PDXDC1: variants seen among roughly 807,000 people sequenced by gnomAD.
PDXDC1 encodes the protein pyridoxal dependent decarboxylase domain containing 1, also known as pyridoxal-dependent decarboxylase domain-containing protein 1.
A neutral mutation model predicts 100.1 loss-of-function variants in PDXDC1; 42 were observed. The observed-to-expected ratio is 0.42, with a 90% CI of 0.33 to 0.54. The LOEUF (loss-of-function observed/expected upper bound fraction) is 0.54. PDXDC1 is among the 20% of genes least tolerant of loss of function. The pLI is 0.10. For synonymous variants in PDXDC1, 260 were observed against 371.7 expected (o/e 0.70, Z 3.46); for missense variants, 636 against 979.2 (o/e 0.65, Z 4.68).
At chr16:14,992,717 AG>A (rs1397346784) in intron 1 of PDXDC1, among the ~76,000 whole-genome samples, 1 of 152,288 alleles carries the variant, frequency 6.6e-6, no homozygotes, top group African/African-American at 2.4e-5. Context: ...AACAGGAGTC[AG>A]GGACCCTAGG....
At chr16:15,071,546 T>C (rs1354485929) in intron 16 of PDXDC1, among the ~76,000 whole-genome samples, 1 of 152,116 alleles carries the variant, frequency 6.6e-6, no homozygotes, top group Non-Finnish European at 1.5e-5. Context: ...GGCGGGTGGA[T>C]CACCCAAGGT....
At chr16:15,133,386 C>T (rs1288752624) in intron 16 of PDXDC1, 6 of 1,056,470 alleles carry the variant, frequency 5.7e-6, no homozygotes, top group East Asian at 2.5e-5. Flanking sequence ...AGCCCCATTG[C>T]GCTGCCGTTG....
downstream of PDXDC1, chr16:15,038,396 T>G (rs532258601): frequency 1.6e-6 from 1 of 625,924 alleles, no homozygotes; most frequent in East Asian, 2.8e-5. Context: ...CATTTCCATC[T>G]AGGACTTGAC....
chr16:15,147,160 G>A, the PDXDC1 span, among the ~76,000 whole-genome samples: 1 of 142,332 alleles, frequency 7.0e-6, no homozygotes, highest in Non-Finnish European at 1.5e-5. Context: ...GGGCTGGCAG[G>A]GAGGGAGAGG....
intron 16 of PDXDC1, chr16:15,132,762 C>T: frequency 2.6e-6 from 3 of 1,167,682 alleles, no homozygotes; most frequent in Non-Finnish European, 2.5e-6. Flanking sequence ...TGGATGTCAT[C>T]CACAGTGTGG....
chr16:15,011,623 ATTTTTTTCT>A (rs2041270460), intron 8 of PDXDC1, among the ~76,000 whole-genome samples: 1 of 97,994 alleles, frequency 1.0e-5, no homozygotes, highest in African/African-American at 3.6e-5. Context: ...TTTGCAAAAC[ATTTTTTTCT>A]TTTTTTTTTT....
chr16:15,144,246 T>C (rs1487911322), downstream of PDXDC1, among the ~76,000 whole-genome samples: 1 of 152,178 alleles, frequency 6.6e-6, no homozygotes, highest in African/African-American at 2.4e-5. Flanking sequence ...GGCCCCTTCC[T>C]CGCTGGGCCA....
At chr16:15,129,397 C>G (rs1344397504) in intron 16 of PDXDC1, among the ~76,000 whole-genome samples, 3 of 152,056 alleles carry the variant, frequency 2.0e-5, no homozygotes, top group Non-Finnish European at 4.4e-5. Flanking sequence ...CAAGATCACG[C>G]CACTGCACTC....
chr16:15,100,228 C>A (rs1401260377), intron 16 of PDXDC1, among the ~76,000 whole-genome samples: 2 of 152,138 alleles, frequency 1.3e-5, no homozygotes, highest in Admixed American at 6.5e-5. Context: ...AATAACAAAA[C>A]CAATAGCATG....
intron 16 of PDXDC1, among the ~76,000 whole-genome samples, chr16:15,054,397 C>A (rs1044545501): frequency 6.6e-6 from 1 of 152,172 alleles, no homozygotes; most frequent in Non-Finnish European, 1.5e-5. Flanking sequence ...GCCCGGGACA[C>A]CCATCTAACT....
downstream of PDXDC1, among the ~76,000 whole-genome samples, chr16:15,038,868 A>G (rs546968128): frequency 2.4e-3 from 367 of 152,352 alleles, 1 homozygote; most frequent in Non-Finnish European, 4.2e-3. Context: ...GCTTCTGCAC[A>G]CTGTGGGGCA....
intron 16 of PDXDC1, among the ~76,000 whole-genome samples, chr16:15,073,279 G>A (rs1473217521): frequency 2.0e-5 from 3 of 152,052 alleles, no homozygotes; most frequent in Non-Finnish European, 1.5e-5. Context: ...GGGAACACAG[G>A]GAAGCTCTGT....
intron 16 of PDXDC1, chr16:15,094,373 G>A (rs962041736): frequency 1.3e-6 from 1 of 774,562 alleles, no homozygotes; most frequent in Non-Finnish European, 2.1e-6. Context: ...GTATGCTCTC[G>A]GCGGGCTAGA....
chr16:15,098,736 G>C (rs1322223323), intron 16 of PDXDC1, among the ~76,000 whole-genome samples: 1 of 152,050 alleles, frequency 6.6e-6, no homozygotes, highest in Non-Finnish European at 1.5e-5. Context: ...AAATTAGCCT[G>C]GCATGGTGGC....
At chr16:14,982,449 C>G (rs1968207039) in intron 1 of PDXDC1, among the ~76,000 whole-genome samples, 1 of 152,378 alleles carries the variant, frequency 6.6e-6, no homozygotes, top group Non-Finnish European at 1.5e-5. Flanking sequence ...GTGGTGAAAC[C>G]CCATCTCTAC....
rs1310621120 is a variant in PDXDC1, at chr16:15,096,748, T to C, written c.1400-42131T>C. 1.3e-5 allele frequency among the ~76,000 whole-genome samples: 2 copies of C among 152,262 alleles called. 1 individual carries two copies. Among genetic ancestry groups the C allele is most frequent in the Non-Finnish European group, 2.9e-5 (2 of 68,048 alleles). On this transcript the variant is annotated intron_variant, in intron 16 of 16. Coordinates refer to the PDXDC1 transcript ENST00000535621. The stretch of plus-strand genomic sequence containing the variant: ...CCCAAGTTAGAGCGCAATGGCGCGA[T>C]CATGGCTCGTTGCAGCCTCGGGCTC...
At chr16:15,052,471 T>G (rs1318083244) in intron 16 of PDXDC1, among the ~76,000 whole-genome samples, 1 of 152,158 alleles carries the variant, frequency 6.6e-6, no homozygotes, top group Non-Finnish European at 1.5e-5. Context: ...GTCCTGTTTA[T>G]CAATTCTTCC....
intron 16 of PDXDC1, chr16:15,047,880 A>G (rs199809055): frequency 6.2e-7 from 1 of 1,613,660 alleles, no homozygotes; most frequent in Non-Finnish European, 8.5e-7. Flanking sequence ...CCACAATGTG[A>G]CAAGTAGTGG....
intron 16 of PDXDC1, among the ~76,000 whole-genome samples, chr16:15,031,137 C>CTTTTTTTTTTTTTTTTT (rs1270155714): frequency 8.8e-6 from 1 of 114,212 alleles, no homozygotes; most frequent in African/African-American, 3.2e-5. Flanking sequence ...TTTTTTTTTC[C>CTTTTTTTTTTTTTTTTT]ATAGAGACGT....
Sources: allele counts gnomAD v4.1 joint callset (sites outside exome capture counted in the v4.1 genomes callset), GRCh38; gene constraint gnomAD v4.1.1; transcripts MANE v1.5; gene names NCBI Gene and HGNC (gene_info 2026-07-23, HGNC 2026-07-21).